Variants in RASAL2 observed in about 807,000 individuals in gnomAD.
RASAL2 encodes ras GTPase-activating protein nGAP.
In RASAL2, 58 loss-of-function variants were observed where a neutral mutation model predicts 128.9. The observed-to-expected ratio is 0.45, with a 90% CI of 0.36 to 0.56. The LOEUF (loss-of-function observed/expected upper bound fraction) is 0.56, where lower values mean the gene tolerates loss of function less well. Ranked by LOEUF, RASAL2 falls within the 20% of genes least tolerant of loss-of-function variation. The probability of loss-of-function intolerance (pLI) is 0.00; values close to 1 mark genes in which losing one functional copy is unlikely to be tolerated. For missense variants in RASAL2, 1,360 were observed against 1,601.6 expected, an observed-to-expected ratio of 0.85 and a Z score of 2.57; for synonymous variants, 561 against 580.8, an observed-to-expected ratio of 0.97 and a Z score of 0.49.
At chr1:178,384,675 AAC>A (rs1051898433) in intron 3 of RASAL2, among the ~76,000 whole-genome samples, 1 of 149,748 alleles carries the variant, frequency 6.7e-6, no homozygotes, top group East Asian at 1.9e-4. Context: ...AAAAAAAAAA[AAC>A]ACACACACAC....
At chr1:178,340,749 G>A (rs1222681937) in intron 3 of RASAL2, among the ~76,000 whole-genome samples, 2 of 152,100 alleles carry the variant, frequency 1.3e-5, no homozygotes, top group Non-Finnish European at 2.9e-5. Flanking sequence ...CTAACTTAAT[G>A]GGACTTGCCT....
At chr1:178,356,386 T>A (rs1212931969) in intron 3 of RASAL2, among the ~76,000 whole-genome samples, 1 of 151,984 alleles carries the variant, frequency 6.6e-6, no homozygotes, top group East Asian at 1.9e-4. Context: ...AATACATGCT[T>A]ATGTACATGA....
chr1:178,405,334 G>A (rs1224403749), intron 4 of RASAL2, among the ~76,000 whole-genome samples: 2 of 152,190 alleles, frequency 1.3e-5, no homozygotes, highest in Non-Finnish European at 2.9e-5. Flanking sequence ...ACTATATGTA[G>A]AGAGTAGAAT....
chr1:178,116,082 G>T (rs1202284391), intron 1 of RASAL2, among the ~76,000 whole-genome samples: 1 of 152,122 alleles, frequency 6.6e-6, no homozygotes, highest in Non-Finnish European at 1.5e-5. Flanking sequence ...TCATCCGTTA[G>T]TACCCAGCAC....
intron 1 of RASAL2, among the ~76,000 whole-genome samples, chr1:178,274,130 C>G (rs1200310898): frequency 6.6e-6 from 1 of 152,172 alleles, no homozygotes; most frequent in East Asian, 1.9e-4. Flanking sequence ...CTGCCATACT[C>G]TTGACAACTT....
At chr1:178,279,352 T>G (rs2102201018) in intron 1 of RASAL2, among the ~76,000 whole-genome samples, 1 of 152,316 alleles carries the variant, frequency 6.6e-6, no homozygotes, top group African/African-American at 2.4e-5. Flanking sequence ...TTTCAAAATC[T>G]GGCTCACATG....
chr1:178,242,426 TCTCTCTCTCTCTCTCTCTCTCTCTCTC>T, intron 1 of RASAL2, among the ~76,000 whole-genome samples: 1 of 1,304 alleles, frequency 7.7e-4, no homozygotes, highest in African/African-American at 1.7e-3. Context: ...TAATTCATTC[TCTCTCTCTCTCTCTCTCTCTCTCTCTC>T]TCTCTCTCTC....
At chr1:178,377,068 A>G (rs907111481) in intron 3 of RASAL2, among the ~76,000 whole-genome samples, 1 of 152,162 alleles carries the variant, frequency 6.6e-6, no homozygotes, top group Non-Finnish European at 1.5e-5. Flanking sequence ...TGGAATTTAA[A>G]TGATTTCATT....
chr1:178,125,803 A>G (rs1459721227), intron 1 of RASAL2, among the ~76,000 whole-genome samples: 1 of 152,184 alleles, frequency 6.6e-6, no homozygotes, highest in Non-Finnish European at 1.5e-5. Context: ...ATTGCGTAAG[A>G]CATCTTGAAG....
chr1:178,472,320 T>C (rs1416879182), intron 17 of RASAL2, among the ~76,000 whole-genome samples: 2 of 152,196 alleles, frequency 1.3e-5, no homozygotes, highest in African/African-American at 4.8e-5. Context: ...GCATTTTTTT[T>C]CAGAGACTCA....
chr1:178,394,865 A>G (rs1673121160), intron 4 of RASAL2, among the ~76,000 whole-genome samples: 1 of 152,224 alleles, frequency 6.6e-6, no homozygotes, highest in African/African-American at 2.4e-5. Context: ...CATTGTCAAA[A>G]AAACAAATCT....
At chr1:178,423,364 A>G (rs1036361715) in intron 5 of RASAL2, among the ~76,000 whole-genome samples, 15 of 152,156 alleles carry the variant, frequency 9.9e-5, no homozygotes, top group Non-Finnish European at 2.2e-4. Context: ...TCAAAAAAGG[A>G]CCTTTCCCAC....
chr1:178,405,079 G>A (rs1673914991), intron 4 of RASAL2, among the ~76,000 whole-genome samples: 1 of 152,154 alleles, frequency 6.6e-6, no homozygotes, highest in Non-Finnish European at 1.5e-5. Context: ...CAAGGTTGTG[G>A]GAAACAGACA....
intron 1 of RASAL2, among the ~76,000 whole-genome samples, chr1:178,254,729 A>G (rs1352599978): frequency 1.3e-5 from 2 of 152,186 alleles, no homozygotes; most frequent in Admixed American, 1.3e-4. Flanking sequence ...AGGAGAGGAG[A>G]GAGAGAAAGA....
chr1:178,309,523 T>G (rs1240420621), intron 3 of RASAL2, among the ~76,000 whole-genome samples: 1 of 152,086 alleles, frequency 6.6e-6, no homozygotes, highest in Admixed American at 6.6e-5. Context: ...AAACCATGAG[T>G]GACTATATAT....
intron 2 of RASAL2, among the ~76,000 whole-genome samples, chr1:178,292,163 T>A (rs546420580): frequency 6.6e-6 from 1 of 152,172 alleles, no homozygotes; most frequent in African/African-American, 2.4e-5. Context: ...TCTAAAAAGA[T>A]GGTTTTAAAC....
At chr1:178,451,461 C>A in intron 9 of RASAL2, 110 bp from the exon 10 acceptor site, 1 of 1,211,368 alleles carries the variant, frequency 8.3e-7, no homozygotes, top group Non-Finnish European at 1.1e-6. Flanking sequence ...CCTGTCAGAT[C>A]TAGAAAAGAA....
intron 3 of RASAL2, among the ~76,000 whole-genome samples, chr1:178,302,086 CT>C (rs1190928664): frequency 6.6e-6 from 1 of 152,184 alleles, no homozygotes; most frequent in Non-Finnish European, 1.5e-5. Flanking sequence ...TAGAGCCATT[CT>C]TCCTTACATG....
At chr1:178,312,002 G>A (rs1349364546) in intron 3 of RASAL2, among the ~76,000 whole-genome samples, 1 of 151,164 alleles carries the variant, frequency 6.6e-6, no homozygotes, top group African/African-American at 2.4e-5. Flanking sequence ...TAAAAAATTA[G>A]AATATAAAAC....
Sources: allele counts gnomAD v4.1 joint callset (sites outside exome capture counted in the v4.1 genomes callset), GRCh38; gene constraint gnomAD v4.1.1; transcripts MANE v1.5; gene names NCBI Gene and HGNC (gene_info 2026-07-23, HGNC 2026-07-21).